ANKRD28: variants seen among roughly 807,000 people sequenced by gnomAD.
The protein encoded by ANKRD28 is serine/threonine-protein phosphatase 6 regulatory ankyrin repeat subunit A.
In ANKRD28, 44 loss-of-function variants were observed where a neutral mutation model predicts 126.5. The observed-to-expected ratio is 0.35, with a 90% CI of 0.27 to 0.45. The LOEUF (loss-of-function observed/expected upper bound fraction) is 0.45, where lower values mean the gene tolerates loss of function less well. Ranked by LOEUF, ANKRD28 falls within the 20% of genes least tolerant of loss-of-function variation. The pLI is 1.00. For synonymous variants in ANKRD28, 442 were observed against 468.5 expected, an observed-to-expected ratio of 0.94 and a Z score of 0.73; for missense variants, 1,110 against 1,316.6, an observed-to-expected ratio of 0.84 and a Z score of 2.43.
intron 21 of ANKRD28, 78 bp downstream of exon 21, chr3:15,685,148 A>C: frequency 1.3e-6 from 2 of 1,511,820 alleles, no homozygotes; most frequent in Non-Finnish European, 1.8e-6. Flanking sequence ...TTTAAACTTA[A>C]AATTTGCCTT....
intron 4 of ANKRD28, among the ~76,000 whole-genome samples, chr3:15,749,586 C>T (rs1254467181): frequency 6.6e-6 from 1 of 152,122 alleles, no homozygotes; most frequent in South Asian, 2.1e-4. Flanking sequence ...TGTCATATTA[C>T]CAGAATTGTT....
At chr3:15,726,990 G>A (rs1207723284) in intron 6 of ANKRD28, among the ~76,000 whole-genome samples, 2 of 152,088 alleles carry the variant, frequency 1.3e-5, no homozygotes, top group Non-Finnish European at 2.9e-5. Context: ...AATATTTTAA[G>A]CCCACTGTTG....
intron 2 of ANKRD28, among the ~76,000 whole-genome samples, chr3:15,776,475 G>A (rs940820190): frequency 6.6e-6 from 1 of 152,092 alleles, no homozygotes; most frequent in African/African-American, 2.4e-5. Context: ...ACCCAGACTC[G>A]AAGAAAATAT....
intron 27 of ANKRD28, 118 bp from the exon 28 acceptor site, chr3:15,670,674 T>TAA: frequency 9.6e-7 from 1 of 1,040,636 alleles, no homozygotes; most frequent in Non-Finnish European, 1.4e-6. Flanking sequence ...TAGCTTATAA[T>TAA]AAATTGCTGT....
At chr3:15,740,247 T>C (rs534552272) in intron 4 of ANKRD28, among the ~76,000 whole-genome samples, 2 of 152,282 alleles carry the variant, frequency 1.3e-5, no homozygotes, top group South Asian at 4.1e-4. Flanking sequence ...AAAACGGACA[T>C]GAGGGAACTT....
rs932064515 is a variant in ANKRD28 at position 15,796,904 on chromosome 3, G to T, written c.-383C>A. The T allele has an allele frequency of 8.1e-6, 8 of 987,402 alleles. No homozygotes were observed. In the African/African-American group the frequency reaches 1.4e-4, roughly 17 times the overall value. 61.2% of individuals were successfully genotyped at this position (987,402 alleles called of 1,614,324 possible). On this transcript the variant is annotated 5_prime_UTR_variant, in exon 1 of 28. Coordinates refer to ENST00000683139, the MANE Select transcript of ANKRD28 (RefSeq NM_001349278.2). ...GCACAAAACAATCATTGTTTTTGGT[G>T]ACACAACACCACACAATATAGAATG...
At chr3:15,670,665 A>T in intron 27 of ANKRD28, 109 bp from the exon 28 acceptor site, 3 of 1,121,962 alleles carry the variant, frequency 2.7e-6, no homozygotes, top group Non-Finnish European at 3.7e-6. Flanking sequence ...TACATTACTT[A>T]GCTTATAATA....
intron 14 of ANKRD28, among the ~76,000 whole-genome samples, chr3:15,701,001 ACGT>A: frequency 6.6e-6 from 1 of 152,230 alleles, no homozygotes; most frequent in East Asian, 1.9e-4. Flanking sequence ...GTATTCAAAT[ACGT>A]CTACCCAAAT....
rs1387113488 is a variant in ANKRD28, at chr3:15,853,556, G to A, written c.27+5821C>T. Among the ~76,000 whole-genome samples the A allele has an allele frequency of 3.9e-5, 6 of 151,912 alleles. 1 individual carries two copies. Among genetic ancestry groups the A allele is most frequent in the Admixed American group, 3.9e-4 (6 of 15,248 alleles). On this transcript the variant is annotated intron_variant, in intron 1 of 27. Transcript: ENST00000399451. The surrounding 1 kb of genome is among the most constrained non-coding windows in gnomAD (Gnocchi z 4.2). The stretch of plus-strand genomic sequence containing the variant: ...ACGATTCTGGCTCACTGCAAGCTCC[G>A]CCTCCTGGGTTCATGCCATTCTCCT...
At chr3:15,744,288 C>T (rs2057323313) in intron 4 of ANKRD28, among the ~76,000 whole-genome samples, 2 of 152,048 alleles carry the variant, frequency 1.3e-5, no homozygotes, top group Non-Finnish European at 2.9e-5. Context: ...AGTATCAATA[C>T]TACATAGCCT....
chr3:15,688,470 G>C lies in ANKRD28; in HGVS notation c.1963+1549C>G, dbSNP rs144343058. On this transcript the variant is annotated intron_variant, in intron 18 of 27. Transcript: ENST00000683139. ...CACTCTTTTTCAGAATAAGGTAACA[G>C]CAAGTAATGCATTTTAACCTCTTGT... Among the ~76,000 whole-genome samples, 191 of 152,294 alleles carry C rather than the reference G, an allele frequency of 1.3e-3. 1 individual carries two copies. The highest frequency in any genetic ancestry group is 3.8e-3 in the African/African-American group (156 of 41,570).
upstream of ANKRD28, chr3:15,798,008 TAGC>T (rs1559552367): frequency 1.0e-6 from 1 of 985,268 alleles, no homozygotes; most frequent in Non-Finnish European, 1.2e-6. Flanking sequence ...TAACTTCCTC[TAGC>T]AGGAGAAAAA....
chr3:15,762,210 A>AC (rs2058509609), intron 3 of ANKRD28, among the ~76,000 whole-genome samples: 1 of 28,038 alleles, frequency 3.6e-5, no homozygotes, highest in Admixed American at 5.4e-4. Flanking sequence ...AAAAAAAAAA[A>AC]AAACAAAACA....
intron 1 of ANKRD28, among the ~76,000 whole-genome samples, chr3:15,808,127 T>C (rs2060627762): frequency 6.6e-6 from 1 of 152,212 alleles, no homozygotes; most frequent in African/African-American, 2.4e-5. Flanking sequence ...CAGACCCATC[T>C]GTCTCCGAAG....
At chr3:15,835,261 C>T (rs2061297238) in intron 1 of ANKRD28, among the ~76,000 whole-genome samples, 1 of 152,184 alleles carries the variant, frequency 6.6e-6, no homozygotes, top group African/African-American at 2.4e-5. Context: ...AAACAGTAAG[C>T]AATCTGTTCA....
At chr3:15,766,941 C>T (rs763158617) in intron 2 of ANKRD28, among the ~76,000 whole-genome samples, 1 of 152,090 alleles carries the variant, frequency 6.6e-6, no homozygotes, top group African/African-American at 2.4e-5. Flanking sequence ...CCTAAACAAA[C>T]CAAAAGATTT....
Position 15,724,447 on chromosome 3 carries a change from G to A in ANKRD28, c.718C>T (p.Leu240Phe). ...ATTCCACTAGAGGCTGCTGCATGAA[G>A]AGGTGTATAAGACTTTTTATCCTTG... is the stretch of plus-strand genomic sequence containing the variant. ...TCKDKKSYTP[L>F]HAAASSGMIS... The change falls in exon 7 of 28, where the codon CTT becomes TTT. Residue 240 changes from leucine to phenylalanine, a missense_variant. Leu to Phe is a conservative substitution (Grantham distance 22). Coordinates refer to ENST00000683139, the MANE Select transcript of ANKRD28 (RefSeq NM_001349278.2). 6.2e-7 allele frequency: 1 copy of A among 1,602,744 alleles called. No homozygotes were observed. Among genetic ancestry groups the A allele is most frequent in the Non-Finnish European group, 8.5e-7 (1 of 1,174,050 alleles).
At position 15,670,385 on chromosome 3, in the gene ANKRD28, G is replaced by C. The variant is rs778021470; in HGVS notation, c.3137C>G (p.Pro1046Arg). The stretch of plus-strand genomic sequence containing the variant: ...GGAGCTAGGTTCATTCCTCATGATG[G>C]GCAAAGCTTCAAAGCTGACTGTTTT... ...TSKTVSFEAL[P>R]IMRNEPSSYC... is the part of the protein sequence containing the mutation. Residue 1046 changes from proline to arginine, a missense_variant, in exon 28 of 28, where the codon CCC becomes CGC. Transcript: ENST00000683139. 1 of 1,613,886 alleles carries C rather than the reference G, an allele frequency of 6.2e-7. No individual in the cohort carries two copies. Among genetic ancestry groups the C allele is most frequent in the Non-Finnish European group, 8.5e-7 (1 of 1,179,844 alleles).
chr3:15,696,440 T>C (rs544805410), intron 14 of ANKRD28, among the ~76,000 whole-genome samples, 195 bp from the exon 15 acceptor site: 2 of 152,256 alleles, frequency 1.3e-5, no homozygotes, highest in African/African-American at 4.8e-5. Flanking sequence ...GAAACATTCA[T>C]GAGAATCTTC....
Sources: gnomAD v4.1 joint callset for allele counts (sites outside exome capture counted in the v4.1 genomes callset) on GRCh38, gnomAD v4.1.1 for gene constraint, Gnocchi (gnomAD v3.1) non-coding constraint, MANE v1.5 for transcripts, NCBI Gene and HGNC (gene_info 2026-07-23, HGNC 2026-07-21) for gene names.